The following SEZ6L variants were observed in gnomAD, a reference collection of about 807,000 sequenced individuals.
SEZ6L encodes the protein seizure related 6 homolog like, also known as seizure 6-like protein.
In SEZ6L, 37 loss-of-function variants were observed where a neutral mutation model predicts 106.2. That is an observed-to-expected ratio of 0.35 (90% CI 0.27 to 0.46). The LOEUF is 0.46. Ranked by LOEUF, SEZ6L falls within the 20% of genes least tolerant of loss-of-function variation. SEZ6L has a pLI of 1.00. For missense variants in SEZ6L, 1,172 were observed against 1,332.8 expected (o/e 0.88, Z 1.88); for synonymous variants, 541 against 570.4 (o/e 0.95, Z 0.73).
chr22:26,271,933 T>C (rs1220611859), intron 1 of SEZ6L, among the ~76,000 whole-genome samples: 1 of 152,180 alleles, frequency 6.6e-6, no homozygotes, highest in South Asian at 2.1e-4. Context: ...GGATAAACTG[T>C]GATGTAGACA....
intron 10 of SEZ6L, among the ~76,000 whole-genome samples, chr22:26,344,638 A>G (rs140360897): frequency 5.3e-5 from 8 of 152,346 alleles, no homozygotes; most frequent in African/African-American, 1.9e-4. Flanking sequence ...CCTTGGTGCT[A>G]ATCTTGTCCA....
At chr22:26,263,770 TG>T (rs1426544751) in intron 1 of SEZ6L, among the ~76,000 whole-genome samples, 2 of 152,218 alleles carry the variant, frequency 1.3e-5, no homozygotes, top group Non-Finnish European at 2.9e-5. Flanking sequence ...GGCAGAAGCC[TG>T]GGCATCCTCC....
intron 11 of SEZ6L, 67 bp downstream of exon 11, chr22:26,347,980 T>C (rs1258984065): frequency 3.7e-6 from 5 of 1,350,566 alleles, no homozygotes; most frequent in Non-Finnish European, 5.0e-6. Flanking sequence ...GATCTTTTTT[T>C]GGTGGGTGCA....
At chr22:26,206,089 A>G (rs955750987) in intron 1 of SEZ6L, among the ~76,000 whole-genome samples, 1 of 152,168 alleles carries the variant, frequency 6.6e-6, no homozygotes, top group Non-Finnish European at 1.5e-5. Flanking sequence ...CACTCTACAA[A>G]CATAACCCTT....
At chr22:26,356,455 A>G (rs1239346174) in intron 12 of SEZ6L, among the ~76,000 whole-genome samples, 2 of 151,832 alleles carry the variant, frequency 1.3e-5, no homozygotes, top group African/African-American at 4.8e-5. Context: ...CAGCCTGGCC[A>G]ACATAGTGAA....
chr22:26,237,601 T>C (rs189050938), intron 1 of SEZ6L, among the ~76,000 whole-genome samples: 30 of 152,384 alleles, frequency 2.0e-4, no homozygotes, highest in African/African-American at 7.0e-4. Context: ...GTTGCTCTTA[T>C]TGTTTTACTA....
intron 6 of SEZ6L, among the ~76,000 whole-genome samples, chr22:26,307,162 T>C (rs1480929581): frequency 1.3e-5 from 2 of 152,182 alleles, no homozygotes; most frequent in Non-Finnish European, 2.9e-5. Context: ...AGGGTACTTA[T>C]GCACCAGCTC....
chr22:26,260,175 T>C lies in SEZ6L; in HGVS notation c.95-32231T>C, dbSNP rs1038352481. On this transcript the variant is annotated intron_variant, in intron 1 of 16. Transcript: ENST00000248933. ...TTTCCATAGGTTTTGGGAGAACAGG[T>C]GGTATTTGGTTACATTAGTAAGTTC... is the stretch of plus-strand genomic sequence containing the variant. 4.6e-5 allele frequency among the ~76,000 whole-genome samples: 7 copies of C among 152,240 alleles called. No homozygotes were observed. The South Asian group carries it at 1.5e-3, about 32-fold the overall frequency.
intron 1 of SEZ6L, among the ~76,000 whole-genome samples, chr22:26,271,442 C>T (rs541027721): frequency 6.6e-6 from 1 of 152,256 alleles, no homozygotes; most frequent in East Asian, 1.9e-4. Context: ...ATATGTGTCC[C>T]CTCCAAATCT....
At chr22:26,376,249 G>A (rs2084220262) in intron 15 of SEZ6L, among the ~76,000 whole-genome samples, 1 of 152,040 alleles carries the variant, frequency 6.6e-6, no homozygotes, top group Non-Finnish European at 1.5e-5. Context: ...CTGGGGTTCA[G>A]GTTCTAACAA....
At chr22:26,343,782 G>C (rs1365910709) in intron 10 of SEZ6L, among the ~76,000 whole-genome samples, 1 of 152,206 alleles carries the variant, frequency 6.6e-6, no homozygotes, top group Non-Finnish European at 1.5e-5. Flanking sequence ...ACAAAAAAGA[G>C]AGAACAGTTC....
At chr22:26,363,300 C>G (rs2083696073) in intron 12 of SEZ6L, among the ~76,000 whole-genome samples, 1 of 152,214 alleles carries the variant, frequency 6.6e-6, no homozygotes, top group Non-Finnish European at 1.5e-5. Flanking sequence ...GAAAAGGGTT[C>G]TAGCTGGGAC....
intron 1 of SEZ6L, among the ~76,000 whole-genome samples, chr22:26,275,167 G>A (rs1327604202): frequency 1.3e-5 from 2 of 152,318 alleles, no homozygotes; most frequent in Admixed American, 1.3e-4. Flanking sequence ...GTATACAGAT[G>A]GTCCCCAACT....
chr22:26,348,710 G>GGAAGGAAGAAAGGAAGGAA (rs2083152613), intron 11 of SEZ6L, among the ~76,000 whole-genome samples: 1 of 74,522 alleles, frequency 1.3e-5, no homozygotes, highest in Non-Finnish European at 2.7e-5. Flanking sequence ...AAGAAGGCAA[G>GGAAGGAAGAAAGGAAGGAA]GGAGGGAAGG....
At chr22:26,260,508 A>G (rs1456090658) in intron 1 of SEZ6L, among the ~76,000 whole-genome samples, 1 of 152,160 alleles carries the variant, frequency 6.6e-6, no homozygotes, top group African/African-American at 2.4e-5. Flanking sequence ...TCATATATAC[A>G]TATGACAATT....
At chr22:26,302,293 C>T (rs898258201) in intron 5 of SEZ6L, among the ~76,000 whole-genome samples, 1 of 152,202 alleles carries the variant, frequency 6.6e-6, no homozygotes, top group African/African-American at 2.4e-5. Flanking sequence ...TTTAACATGG[C>T]CCTTGGGTGA....
intron 13 of SEZ6L, among the ~76,000 whole-genome samples, chr22:26,369,530 C>T (rs564918875): frequency 2.7e-5 from 4 of 150,856 alleles, no homozygotes; most frequent in East Asian, 3.9e-4. Context: ...TTAGTAGAGA[C>T]GGGTTTTCAC....
At chr22:26,261,836 C>T (rs1047420132) in intron 1 of SEZ6L, among the ~76,000 whole-genome samples, 3 of 151,986 alleles carry the variant, frequency 2.0e-5, no homozygotes, top group Non-Finnish European at 2.9e-5. Context: ...AAAATTGATA[C>T]GAGTATTTTG....
chr22:26,239,471 T>A (rs1401308456), intron 1 of SEZ6L, among the ~76,000 whole-genome samples: 1 of 152,200 alleles, frequency 6.6e-6, no homozygotes, highest in Non-Finnish European at 1.5e-5. Context: ...GAAAAGGGAT[T>A]GTGGGAATCT....
Sources: allele counts gnomAD v4.1 joint callset (sites outside exome capture counted in the v4.1 genomes callset), GRCh38; gene constraint gnomAD v4.1.1; transcripts MANE v1.5; gene names NCBI Gene and HGNC (gene_info 2026-07-23, HGNC 2026-07-21).